STK17B: variants seen among roughly 807,000 people sequenced by gnomAD.
STK17B encodes the protein serine/threonine kinase 17b, also known as serine/threonine-protein kinase 17B.
STK17B carries 21 observed loss-of-function variants against 42.0 expected under a neutral mutation model. That is an observed-to-expected ratio of 0.50 (90% CI 0.35 to 0.72). The LOEUF is 0.72. STK17B is among the 30% of genes least tolerant of loss of function. The pLI is 0.00. For synonymous variants in STK17B, 143 were observed against 148.4 expected, an observed-to-expected ratio of 0.96 and a Z score of 0.26; for missense variants, 349 against 446.0, an observed-to-expected ratio of 0.78 and a Z score of 1.96.
intron 1 of STK17B, among the ~76,000 whole-genome samples, chr2:196,170,402 T>C (rs908253788): frequency 6.6e-6 from 1 of 152,230 alleles, no homozygotes; most frequent in African/African-American, 2.4e-5. Flanking sequence ...GTGAATGTGA[T>C]ACACAGTCCT....
intron 2 of STK17B, among the ~76,000 whole-genome samples, chr2:196,159,510 C>T (rs535305024): frequency 2.6e-4 from 40 of 152,116 alleles, no homozygotes; most frequent in African/African-American, 9.4e-4. Flanking sequence ...CAGTGTCTCC[C>T]TATGTTGCCC....
chr2:196,144,486 C>CAAAAAAAAA (rs869118381), intron 4 of STK17B, among the ~76,000 whole-genome samples: 2 of 55,958 alleles, frequency 3.6e-5, no homozygotes, highest in African/African-American at 6.3e-5. Flanking sequence ...GACTCTGTCT[C>CAAAAAAAAA]AAAAAAAAAA....
At chr2:196,145,210 G>A (rs1468142198) in intron 4 of STK17B, among the ~76,000 whole-genome samples, 1 of 151,684 alleles carries the variant, frequency 6.6e-6, no homozygotes, top group South Asian at 2.1e-4. Context: ...GAAATTAAGG[G>A]AGAGGCCTGG....
chr2:196,156,248 T>C, intron 3 of STK17B, 191 bp downstream of exon 3: 1 of 497,622 alleles, frequency 2.0e-6, no homozygotes, highest in East Asian at 3.3e-5. Context: ...TCTGTGCTGT[T>C]AGTTTTTGTG....
chr2:196,141,425 T>C lies in STK17B; in HGVS notation c.608-128A>G, dbSNP rs541065224. On this transcript the variant is annotated intron_variant, in intron 5 of 7. Transcript: ENST00000263955. Reference sequence around the variant, plus strand: ...CTGTAATCTCAGCACTTTGGGAGGCTGAGGCAGGCAGATCACCTGAGATCA... The same window carrying C: ...CTGTAATCTCAGCACTTTGGGAGGCCGAGGCAGGCAGATCACCTGAGATCA... 51 of 687,382 alleles carry C rather than the reference T, an allele frequency of 7.4e-5. 1 individual carries two copies. In the South Asian group the frequency reaches 8.7e-4, roughly 12 times the overall value. The allele number at this position is 687,382 out of a possible 1,614,324, so 42.6% of individuals were successfully genotyped here.
At chr2:196,138,265 G>T (rs1419918557) in intron 7 of STK17B, among the ~76,000 whole-genome samples, 8 of 152,006 alleles carry the variant, frequency 5.3e-5, no homozygotes, top group Non-Finnish European at 8.8e-5. Context: ...CATACTCCAT[G>T]TTTCTGCAAT....
At position 196,137,329 on chromosome 2, in the gene STK17B, T is replaced by C. The variant is rs368355342; in HGVS notation, c.*118A>G. On this transcript the variant is annotated 3_prime_UTR_variant, in exon 8 of 8. Transcript: ENST00000263955. ...AACATTAAAACACTTCCCTAAATTA[T>C]TCCATGGAAAAGTGCATTTACAATA... 5.5e-5 allele frequency: 61 copies of C among 1,116,540 alleles called. No homozygotes were observed. In the African/African-American group the frequency reaches 8.5e-4, roughly 16 times the overall value. The allele number at this position is 1,116,540 out of a possible 1,614,324, so 69.2% of individuals were successfully genotyped here.
chr2:196,174,266 G>A (rs1699978666), upstream of STK17B: 1 of 152,178 alleles, frequency 6.6e-6, no homozygotes, highest in Admixed American at 6.5e-5. Context: ...GGCCAGGGAA[G>A]GTGATCCTCT....
At chr2:196,160,911 T>C (rs10177341) in intron 2 of STK17B, among the ~76,000 whole-genome samples, 11,131 of 152,212 alleles carry the variant, frequency 0.073, 767 homozygotes, top group African/African-American at 0.19. Flanking sequence ...GAATTACTAA[T>C]ATCATCCTCA....
chr2:196,155,892 T>C (rs557309909), intron 3 of STK17B, among the ~76,000 whole-genome samples: 11 of 152,348 alleles, frequency 7.2e-5, no homozygotes, highest in Admixed American at 7.2e-4. Context: ...ATATTTATTA[T>C]TGCTACAACT....
chr2:196,148,976 A>T (rs1422630828), intron 3 of STK17B, among the ~76,000 whole-genome samples: 1 of 152,154 alleles, frequency 6.6e-6, no homozygotes, highest in African/African-American at 2.4e-5. Flanking sequence ...CTGGGACAAA[A>T]TGTGCCTCTG....
chr2:196,146,137 G>T, intron 3 of STK17B, 82 bp from the exon 4 acceptor site: 1 of 1,343,408 alleles, frequency 7.4e-7, no homozygotes, highest in Non-Finnish European at 9.9e-7. Flanking sequence ...TTAAGTAAAA[G>T]ACATACAACT....
rs543609398 is a variant in STK17B, at chr2:196,134,418, G to T, written c.*3029C>A. ...TCGAATCCTGCTGTGAACCACACGT[G>T]CAAGAGATCTAGGTTGCATGCTCCT... On this transcript the variant is annotated 3_prime_UTR_variant, in exon 8 of 8. Coordinates refer to ENST00000263955, the MANE Select transcript of STK17B (RefSeq NM_004226.4). 2 of 152,298 alleles carry T rather than the reference G, an allele frequency of 1.3e-5. No individual in the cohort carries two copies. Among genetic ancestry groups the T allele is most frequent in the East Asian group, 3.9e-4 (2 of 5,188 alleles). The allele number at this position is 152,298 out of a possible 1,614,324, so 9.4% of individuals were successfully genotyped here.
intron 5 of STK17B, 57 bp downstream of exon 5, chr2:196,143,503 G>C: frequency 6.9e-7 from 1 of 1,445,488 alleles, no homozygotes; most frequent in Non-Finnish European, 9.4e-7. Context: ...GTTCTACAGA[G>C]GTATCATTTA....
rs1179852701 is a variant in STK17B, at chr2:196,163,307, T to C, written c.77A>G (p.Glu26Gly). ...TTTPQIPIKM[E>G]NFNNFYILTS... ...AAGTATATAGAAATTATTAAAGTTT[T>C]CCATTTTTATTGGAATTTGAGGAGT... Residue 26 changes from glutamate (E) to glycine (G), a missense_variant, in exon 2 of 8, where the codon GAA (glutamate) becomes GGA (glycine). By Grantham distance (98) the Glu-to-Gly change is moderately conservative (BLOSUM62 -2). Transcript: ENST00000263955. 1.2e-6 allele frequency: 2 copies of C among 1,607,496 alleles called. No individual in the cohort carries two copies. The highest frequency in any genetic ancestry group is 4.5e-5 in the East Asian group (2 of 44,682).
intron 2 of STK17B, among the ~76,000 whole-genome samples, chr2:196,159,889 T>C (rs1575183826): frequency 6.6e-6 from 1 of 152,226 alleles, no homozygotes; most frequent in East Asian, 1.9e-4. Flanking sequence ...TTAAAGTGTT[T>C]GTATTTCTTA....
In STK17B at chr2:196,143,545, A is replaced by C. The variant is rs146504596; in HGVS notation, c.607+15T>G. On this transcript the variant is annotated intron_variant, in intron 5 of 7. Transcript: ENST00000263955. Reference sequence around the variant, plus strand: ...AAATTTCAAAATGGTATAGAAAATAAAAGGAAATTCTTACCTAAATATTCT... The same window carrying C: ...AAATTTCAAAATGGTATAGAAAATACAAGGAAATTCTTACCTAAATATTCT... 0.011 allele frequency: 16,910 copies of C among 1,586,688 alleles called. 110 individuals carry two copies. Among genetic ancestry groups the C allele is most frequent in the Non-Finnish European group, 0.013 (14,732 of 1,170,420 alleles).
At chr2:196,144,486 CAAAAAAAAAAAAAAAAAAA>C (rs869118381) in intron 4 of STK17B, among the ~76,000 whole-genome samples, 53 of 55,956 alleles carry the variant, frequency 9.5e-4, no homozygotes, top group African/African-American at 3.2e-3. Flanking sequence ...GACTCTGTCT[CAAAAAAAAAAAAAAAAAAA>C]AAAAAAAAAA....
intron 2 of STK17B, among the ~76,000 whole-genome samples, chr2:196,159,574 A>G (rs568623711): frequency 7.9e-5 from 12 of 152,214 alleles, no homozygotes; most frequent in African/African-American, 2.6e-4. Context: ...AGCCTCCCAA[A>G]GTGTTGAAAT....
Sources: allele counts gnomAD v4.1 joint callset (sites outside exome capture counted in the v4.1 genomes callset), GRCh38; gene constraint gnomAD v4.1.1; transcripts MANE v1.5; gene names NCBI Gene and HGNC (gene_info 2026-07-23, HGNC 2026-07-21).